Variants in FAM153A observed in about 807,000 individuals in gnomAD.
FAM153A encodes the protein protein FAM153A.
A neutral mutation model predicts 48.1 loss-of-function variants in FAM153A; 12 were observed. The ratio of observed to expected loss-of-function variants is 0.25; its 90% CI spans 0.16 to 0.40. FAM153A has a LOEUF of 0.40. Among genes scored for constraint, FAM153A ranks in the 10% least tolerant of loss-of-function variants. FAM153A has a pLI of 1.00. For missense variants in FAM153A, 111 were observed against 345.8 expected (o/e 0.32, Z 5.38); for synonymous variants, 36 against 118.2 (o/e 0.30, Z 4.51).
chr5:177,700,488 A>G, the FAM153A span, among the ~76,000 whole-genome samples: 1 of 151,918 alleles, frequency 6.6e-6, no homozygotes, highest in Non-Finnish European at 1.5e-5. Context: ...GCAAGGTTTC[A>G]GGATACAGGA....
chr5:177,705,126 A>G (rs1757762873), downstream of FAM153A, among the ~76,000 whole-genome samples: 1 of 150,316 alleles, frequency 6.7e-6, no homozygotes, highest in Admixed American at 6.6e-5. Flanking sequence ...CAACATGGTG[A>G]AACCCTGTCT....
At chr5:177,760,875 T>TTTTAATCAGTAAAAAA (rs1768249658) in intron 1 of FAM153A, among the ~76,000 whole-genome samples, 1 of 131,802 alleles carries the variant, frequency 7.6e-6, no homozygotes, top group Non-Finnish European at 1.6e-5. Context: ...CCTGATGTCT[T>TTTTAATCAGTAAAAAA]TACTGTGATT....
At chr5:177,716,011 G>A (rs532643647) in intron 25 of FAM153A, among the ~76,000 whole-genome samples, 38 of 147,960 alleles carry the variant, frequency 2.6e-4, no homozygotes, top group African/African-American at 9.1e-4. Flanking sequence ...TTCAGATGGA[G>A]TCTTGCTCTG....
At chr5:177,697,736 G>A in the FAM153A span, among the ~76,000 whole-genome samples, 1 of 151,736 alleles carries the variant, frequency 6.6e-6, no homozygotes, top group Non-Finnish European at 1.5e-5. Context: ...GACTCTGCCT[G>A]GCACTGTAAA....
At chr5:177,696,433 C>G in the FAM153A span, among the ~76,000 whole-genome samples, 1 of 152,076 alleles carries the variant, frequency 6.6e-6, no homozygotes, top group African/African-American at 2.4e-5. Flanking sequence ...CAGAGGTGCT[C>G]CTCACATCTC....
chr5:177,734,762 C>T, intron 13 of FAM153A, 101 bp downstream of exon 15: 2 of 1,605,398 alleles, frequency 1.2e-6, no homozygotes, highest in Admixed American at 3.4e-5. Context: ...CACTGTGTAA[C>T]TAAGATATAT....
the FAM153A span, among the ~76,000 whole-genome samples, chr5:177,697,089 CATTT>C: frequency 1.3e-5 from 2 of 151,772 alleles, no homozygotes; most frequent in Non-Finnish European, 2.9e-5. Flanking sequence ...GATGTCCCCT[CATTT>C]ATTTAAATCT....
At chr5:177,725,815 C>A (rs1239113114) in intron 18 of FAM153A, among the ~76,000 whole-genome samples, 1 of 151,936 alleles carries the variant, frequency 6.6e-6, no homozygotes, top group African/African-American at 2.4e-5. Flanking sequence ...AGCAACACAG[C>A]AGCCCCTCCA....
the FAM153A span, among the ~76,000 whole-genome samples, chr5:177,702,581 G>A: frequency 6.6e-6 from 1 of 151,848 alleles, no homozygotes; most frequent in Non-Finnish European, 1.5e-5. Context: ...GAAAAGCATA[G>A]AAGACATTTC....
At chr5:177,715,813 C>T (rs1759619695) in intron 25 of FAM153A, among the ~76,000 whole-genome samples, 1 of 151,700 alleles carries the variant, frequency 6.6e-6, no homozygotes, top group South Asian at 2.1e-4. Context: ...AAGTGATCCT[C>T]CCAACTCAGC....
the FAM153A span, among the ~76,000 whole-genome samples, chr5:177,696,959 A>G: frequency 1.3e-5 from 2 of 151,956 alleles, no homozygotes; most frequent in Non-Finnish European, 2.9e-5. Context: ...TTTTAGGATC[A>G]GCTTGTTAAT....
downstream of FAM153A, among the ~76,000 whole-genome samples, chr5:177,719,411 T>C (rs1337296734): frequency 6.8e-6 from 1 of 147,842 alleles, no homozygotes. Context: ...GACGAGCCTA[T>C]CCTAAGAGAA....
chr5:177,712,733 C>T (rs570394359), exon 27 of FAM153A: 25 of 151,726 alleles, frequency 1.6e-4, no homozygotes, highest in African/African-American at 5.1e-4. Context: ...TAACACTACC[C>T]CCTCTCCAGC....
chr5:177,757,964 G>C (rs1464021079), upstream of FAM153A, among the ~76,000 whole-genome samples: 1 of 151,950 alleles, frequency 6.6e-6, no homozygotes, highest in Non-Finnish European at 1.5e-5. Context: ...CATAGTGTTG[G>C]AAGTTCTGGC....
chr5:177,734,967 G>A, intron 12 of FAM153A, 34 bp from the exon 15 acceptor site: 3 of 1,457,234 alleles, frequency 2.1e-6, no homozygotes, highest in Non-Finnish European at 2.8e-6. Flanking sequence ...CAGCACCTTG[G>A]TGGTGGTGCT....
chr5:177,751,352 G>A (rs1298463416), intron 1 of FAM153A, among the ~76,000 whole-genome samples: 1 of 139,642 alleles, frequency 7.2e-6, no homozygotes, highest in Non-Finnish European at 1.5e-5. Context: ...GAAGCTGCTA[G>A]AACCTGAGGA....
chr5:177,700,838 T>G, the FAM153A span, among the ~76,000 whole-genome samples: 16 of 151,912 alleles, frequency 1.1e-4, no homozygotes, highest in East Asian at 9.7e-4. Flanking sequence ...ACAAGACCAA[T>G]ACACAAAAAT....
At chr5:177,753,978 G>A (rs530399397), upstream of FAM153A, among the ~76,000 whole-genome samples, 29 of 152,016 alleles carry the variant, frequency 1.9e-4, no homozygotes, top group East Asian at 2.9e-3. Flanking sequence ...GGGGATTGTC[G>A]GACAGTGGGT....
chr5:177,734,892 C>G (rs202156625), exon 13 of FAM153A: 3 of 1,489,042 alleles, frequency 2.0e-6, no homozygotes, highest in Non-Finnish European at 2.8e-6. Context: ...TCCTCCTCAC[C>G]GTTGTAACTG....
Sources: allele counts gnomAD v4.1 joint callset (sites outside exome capture counted in the v4.1 genomes callset), GRCh38; gene constraint gnomAD v4.1.1; transcripts MANE v1.5; gene names NCBI Gene and HGNC (gene_info 2026-07-23, HGNC 2026-07-21).